Variants in NFASC observed in about 807,000 individuals in gnomAD.
The protein encoded by NFASC is neurofascin.
A neutral mutation model predicts 147.5 loss-of-function variants in NFASC; 43 were observed. The observed-to-expected ratio is 0.29, with a 90% CI of 0.23 to 0.38. The LOEUF (loss-of-function observed/expected upper bound fraction) is 0.38. NFASC is among the 10% of genes least tolerant of loss of function. The pLI is 1.00. For missense variants in NFASC, 1,320 were observed against 1,689.0 expected (o/e 0.78, Z 3.83); for synonymous variants, 622 against 665.5 (o/e 0.93, Z 1.01).
intron 4 of NFASC, 119 bp from the exon 5 acceptor site, chr1:204,951,892 C>T: frequency 1.4e-6 from 1 of 719,056 alleles, no homozygotes; most frequent in South Asian, 1.7e-5. Context: ...CCCCCCACAC[C>T]CCACCCACTT....
At chr1:204,915,947 G>A (rs966053271) in intron 1 of NFASC, among the ~76,000 whole-genome samples, 1 of 152,214 alleles carries the variant, frequency 6.6e-6, no homozygotes, top group African/African-American at 2.4e-5. Flanking sequence ...CTGAAAGAAA[G>A]AAGTGTTGGA....
At chr1:204,961,985 CA>C (rs55935295) in intron 8 of NFASC, 1 of 714,096 alleles carries the variant, frequency 1.4e-6, no homozygotes, top group Admixed American at 2.1e-5. Flanking sequence ...CTTTCCTTTG[CA>C]AAAGACCACT....
intron 3 of NFASC, among the ~76,000 whole-genome samples, chr1:204,945,561 G>A (rs1377651460): frequency 1.3e-5 from 2 of 152,232 alleles, no homozygotes; most frequent in Non-Finnish European, 2.9e-5. Context: ...TAGAACACCA[G>A]TAGTAACTGT....
intron 28 of NFASC, among the ~76,000 whole-genome samples, chr1:205,011,380 C>T (rs997675226): frequency 6.6e-6 from 1 of 152,180 alleles, no homozygotes; most frequent in African/African-American, 2.4e-5. Flanking sequence ...TCACTCTGTT[C>T]TGCTGTGCTG....
rs146870979 is a variant in NFASC at position 204,854,309 on chromosome 1, G to A, written c.-200+25527G>A. ...TTGATGCCTAACCCAATAGGTGAAT[G>A]CCTATCTTGCCAGTAAGGGAGCTGG... is the stretch of plus-strand genomic sequence containing the variant. On this transcript the variant is annotated intron_variant, in intron 1 of 29. Transcript: ENST00000339876. Among the ~76,000 whole-genome samples, 111 of 152,268 alleles carry A rather than the reference G, an allele frequency of 7.3e-4. 3 individuals carry two copies. The East Asian group carries it at 9.1e-3, about 12-fold the overall frequency.
At chr1:204,928,236 C>T (rs149061056) in intron 2 of NFASC, among the ~76,000 whole-genome samples, 7 of 152,250 alleles carry the variant, frequency 4.6e-5, no homozygotes, top group African/African-American at 9.6e-5. Flanking sequence ...GAGGGTATAC[C>T]GACTACATTT....
chr1:204,960,359 C>T (rs1439940016), intron 8 of NFASC, among the ~76,000 whole-genome samples: 1 of 152,186 alleles, frequency 6.6e-6, no homozygotes, highest in Non-Finnish European at 1.5e-5. Context: ...TGGAGTTGGG[C>T]TACAGAGCTG....
chr1:205,001,340 C>A, intron 26 of NFASC, 54 bp downstream of exon 26: 1 of 1,144,102 alleles, frequency 8.7e-7, no homozygotes, highest in Non-Finnish European at 1.3e-6. Context: ...GCAGCAGCGG[C>A]GGGTAGTGGT....
At chr1:204,861,785 G>A (rs902292391) in intron 1 of NFASC, among the ~76,000 whole-genome samples, 4 of 152,166 alleles carry the variant, frequency 2.6e-5, no homozygotes, top group South Asian at 2.1e-4. Flanking sequence ...CACCGCACCC[G>A]GCCTCTTCTC....
intron 1 of NFASC, among the ~76,000 whole-genome samples, chr1:204,888,977 G>T (rs772250000): frequency 6.6e-6 from 1 of 152,132 alleles, no homozygotes; most frequent in Non-Finnish European, 1.5e-5. Context: ...GTTGAAGCAC[G>T]AGTCTTCCTT....
At position 204,981,953 on chromosome 1, in the gene NFASC, C is replaced by A; in HGVS notation, c.2403C>A (p.Val801=). The A allele has an allele frequency of 6.2e-7, 1 of 1,607,734 alleles. No homozygotes were observed. The highest frequency in any genetic ancestry group is 8.5e-7 in the Non-Finnish European group (1 of 1,177,132). The change falls in exon 21 of 30, where the codon GTC becomes GTA. Residue 801 remains valine, a synonymous_variant. Coordinates refer to ENST00000339876, the MANE Select transcript of NFASC (RefSeq NM_001005388.3). The stretch of plus-strand genomic sequence containing the variant: ...TCTACGTGCCCTATGAGATCCGAGT[C>A]CAGGCTGAAAATGACTTCGGGAAGG... ...TPVYVPYEIR[V]QAENDFGKGP... is the part of the protein sequence containing the mutation.
intron 3 of NFASC, among the ~76,000 whole-genome samples, chr1:204,948,170 C>T (rs1157686117): frequency 6.6e-6 from 1 of 152,368 alleles, no homozygotes; most frequent in East Asian, 1.9e-4. Flanking sequence ...CTGCCTAACT[C>T]CCTGCAGAGC....
intron 27 of NFASC, among the ~76,000 whole-genome samples, chr1:205,007,152 G>A (rs943083368): frequency 1.3e-5 from 2 of 151,786 alleles, no homozygotes; most frequent in Non-Finnish European, 2.9e-5. Context: ...AGTTCCTCAA[G>A]GGTTTTTTTT....
chr1:205,001,874 A>G (rs2095995397), intron 26 of NFASC, among the ~76,000 whole-genome samples: 1 of 152,076 alleles, frequency 6.6e-6, no homozygotes, highest in Non-Finnish European at 1.5e-5. Context: ...GGTCAAACCC[A>G]CCATCCTGGC....
At chr1:204,984,646 A>G (rs1053104093) in intron 21 of NFASC, among the ~76,000 whole-genome samples, 1 of 138,950 alleles carries the variant, frequency 7.2e-6, no homozygotes, top group Admixed American at 7.2e-5. Flanking sequence ...AGGCAAAGCC[A>G]CTGAAAGCAT....
intron 1 of NFASC, among the ~76,000 whole-genome samples, chr1:204,886,418 T>C (rs967551574): frequency 2.0e-5 from 3 of 152,262 alleles, no homozygotes; most frequent in Admixed American, 1.3e-4. Flanking sequence ...TCTGGCTGTT[T>C]ATGCTTTTTA....
chr1:204,906,746 G>A (rs1368500296), intron 1 of NFASC, among the ~76,000 whole-genome samples: 2 of 130,140 alleles, frequency 1.5e-5, no homozygotes, highest in Admixed American at 1.4e-4. Context: ...GCAGTGGCGC[G>A]ATCTCGGCTC....
intron 10 of NFASC, among the ~76,000 whole-genome samples, chr1:204,969,864 T>G (rs767131334): frequency 6.6e-6 from 1 of 150,990 alleles, no homozygotes; most frequent in Non-Finnish European, 1.5e-5. Context: ...GATCATGAGG[T>G]CAGAAGATCG....
At chr1:205,002,892 TTATG>T in intron 27 of NFASC, 144 bp downstream of exon 27, 2 of 599,522 alleles carry the variant, frequency 3.3e-6, no homozygotes, top group Non-Finnish European at 5.1e-6. Context: ...TCAGCTCTTA[TTATG>T]TATCAGCTGA....
Sources: gnomAD v4.1 joint callset for allele counts (sites outside exome capture counted in the v4.1 genomes callset) on GRCh38, gnomAD v4.1.1 for gene constraint, MANE v1.5 for transcripts, NCBI Gene and HGNC (gene_info 2026-07-23, HGNC 2026-07-21) for gene names.